The following ABCB1 variants were observed in gnomAD, a reference collection of about 807,000 sequenced individuals.
ABCB1 encodes ATP binding cassette subfamily B member 1.
Under a neutral mutation model 142.0 loss-of-function variants are expected in ABCB1, and 69 were observed. That is an observed-to-expected ratio of 0.49 (90% confidence interval 0.40 to 0.59). The LOEUF is 0.59. Among genes scored for constraint, ABCB1 ranks in the 20% least tolerant of loss-of-function variants. The pLI, the probability that ABCB1 is intolerant of heterozygous loss-of-function variation, is 0.00. For missense variants in ABCB1, 1,326 were observed against 1,554.7 expected, an observed-to-expected ratio of 0.85 and a Z score of 2.47; for synonymous variants, 532 against 539.2, an observed-to-expected ratio of 0.99 and a Z score of 0.18.
chr7:87,610,089 T>C (rs974249555), intron 1 of ABCB1, among the ~76,000 whole-genome samples: 17 of 152,188 alleles, frequency 1.1e-4, no homozygotes, highest in African/African-American at 4.1e-4. Flanking sequence ...TCTTTTCCAA[T>C]GAGATATTTT....
chr7:87,694,923 CT>C (rs1828371224), intron 1 of ABCB1, among the ~76,000 whole-genome samples: 1 of 152,106 alleles, frequency 6.6e-6, no homozygotes, highest in Non-Finnish European at 1.5e-5. Flanking sequence ...TAGACACATA[CT>C]TTAGATATTT....
chr7:87,636,989 G>A (rs976199663), intron 1 of ABCB1, among the ~76,000 whole-genome samples: 1 of 152,154 alleles, frequency 6.6e-6, no homozygotes, highest in Non-Finnish European at 1.5e-5. Flanking sequence ...ATGAGAACAT[G>A]AGAACCAAGC....
rs1820464172 is a variant in ABCB1 at position 87,626,143 on chromosome 7, T to TATATATTGTCATATATATGTGTC, written c.-330-25088_-330-25066dup. ...TATATATTGTCATATATATGTGTCA[T>TATATATTGTCATATATATGTGTC]ATATATTGTCATATATATGTGTCAT... On this transcript the variant is annotated intron_variant, in intron 1 of 28. Coordinates refer to the ABCB1 transcript ENST00000265724. 1.5e-5 allele frequency among the ~76,000 whole-genome samples: 2 copies of TATATATTGTCATATATATGTGTC among 136,568 alleles called. 1 individual carries two copies. Among genetic ancestry groups the TATATATTGTCATATATATGTGTC allele is most frequent in the Admixed American group, 1.4e-4 (2 of 13,890 alleles). The allele number at this position is 136,568 out of a possible 152,430, so 89.6% of individuals were successfully genotyped here.
chr7:87,535,188 T>C (rs1421047860), intron 20 of ABCB1, among the ~76,000 whole-genome samples: 1 of 152,158 alleles, frequency 6.6e-6, no homozygotes, highest in Non-Finnish European at 1.5e-5. Flanking sequence ...ACAGTTTCTA[T>C]AGTGATCCTT....
chr7:87,598,757 A>G (rs1285142800), intron 2 of ABCB1, among the ~76,000 whole-genome samples: 3 of 152,180 alleles, frequency 2.0e-5, no homozygotes, highest in Non-Finnish European at 2.9e-5. Context: ...TTGATGCTCA[A>G]ATTGTCCCAG....
chr7:87,604,875 CTCCG>C (rs1387301102), upstream of ABCB1, among the ~76,000 whole-genome samples: 1 of 152,216 alleles, frequency 6.6e-6, no homozygotes, highest in Non-Finnish European at 1.5e-5. Context: ...TTTTCTACCA[CTCCG>C]CAATCCTACT....
At chr7:87,668,840 T>A (rs1825538221) in intron 1 of ABCB1, among the ~76,000 whole-genome samples, 3 of 152,018 alleles carry the variant, frequency 2.0e-5, no homozygotes, top group African/African-American at 7.2e-5. Context: ...GATCCAAGAG[T>A]GTGTTTGGTA....
intron 14 of ABCB1, among the ~76,000 whole-genome samples, chr7:87,548,691 C>G (rs149823885): frequency 1.4e-4 from 22 of 152,308 alleles, no homozygotes; most frequent in African/African-American, 5.1e-4. Context: ...ACAGAATTAT[C>G]CCCGTTACTA....
intron 2 of ABCB1, among the ~76,000 whole-genome samples, chr7:87,596,811 A>G (rs1025352692): frequency 6.6e-6 from 1 of 152,072 alleles, no homozygotes; most frequent in Non-Finnish European, 1.5e-5. Flanking sequence ...AAATACACAA[A>G]CACAACTCTT....
At chr7:87,596,421 C>G (rs1819209075) in intron 2 of ABCB1, among the ~76,000 whole-genome samples, 1 of 151,994 alleles carries the variant, frequency 6.6e-6, no homozygotes, top group South Asian at 2.1e-4. Flanking sequence ...TAAATGCACG[C>G]TAGAAAGCTA....
intron 25 of ABCB1, 138 bp downstream of exon 25, chr7:87,515,093 T>C (rs1815169005): frequency 8.8e-7 from 1 of 1,138,884 alleles, no homozygotes; most frequent in African/African-American, 1.5e-5. Flanking sequence ...GGAGACCATA[T>C]TTAGGCTCTC....
chr7:87,607,075 AG>A (rs1339892960), intron 1 of ABCB1, among the ~76,000 whole-genome samples: 1 of 152,218 alleles, frequency 6.6e-6, no homozygotes, highest in African/African-American at 2.4e-5. Context: ...AGAGAGAAAG[AG>A]GTAGAGATAG....
At chr7:87,636,946 G>A (rs1405476700) in intron 1 of ABCB1, among the ~76,000 whole-genome samples, 1 of 152,172 alleles carries the variant, frequency 6.6e-6, no homozygotes, top group Non-Finnish European at 1.5e-5. Context: ...AAGTAAACAT[G>A]TCCTTCTTCA....
chr7:87,568,887 T>C (rs1364894321), intron 5 of ABCB1, among the ~76,000 whole-genome samples: 1 of 152,238 alleles, frequency 6.6e-6, no homozygotes, highest in Non-Finnish European at 1.5e-5. Flanking sequence ...AATAAGTTAA[T>C]GTATTTTAAA....
intron 27 of ABCB1, 59 bp from the exon 28 acceptor site, chr7:87,504,508 C>T: frequency 6.3e-7 from 1 of 1,598,180 alleles, no homozygotes. Flanking sequence ...ATTCCTCTTC[C>T]ATAAAAAGCT....
rs41297357 is a variant in ABCB1 at position 87,545,068 on chromosome 7, A to G, written c.1888-69T>C. On this transcript the variant is annotated intron_variant, in intron 15 of 27. Coordinates refer to ENST00000622132, the MANE Select transcript of ABCB1 (RefSeq NM_001348946.2). ...TTAACCAATGAAAGCTAATCACTGA[A>G]TGTCAGCTATCAAGGAAAACAGCAA... The G allele has an allele frequency of 1.6e-4, 232 of 1,428,780 alleles. 1 individual carries two copies. In the East Asian group the frequency reaches 5.4e-3, roughly 33 times the overall value. The allele number at this position is 1,428,780 out of a possible 1,614,324, so 88.5% of individuals were successfully genotyped here.
rs553313579 is a variant in ABCB1, at chr7:87,582,619, T to C, written c.286+2893A>G. Reference sequence around the variant, plus strand: ...TCTATAAAGGGCCAGATAGTAAATATCTTAGGCTCTGCAGACCATACGGTT... The same window carrying C: ...TCTATAAAGGGCCAGATAGTAAATACCTTAGGCTCTGCAGACCATACGGTT... On this transcript the variant is annotated intron_variant, in intron 4 of 27. Transcript: ENST00000622132. Among the ~76,000 whole-genome samples, 257 of 152,282 alleles carry C rather than the reference T, an allele frequency of 1.7e-3. 1 individual carries two copies. The highest frequency in any genetic ancestry group is 5.6e-3 in the African/African-American group (233 of 41,556).
At chr7:87,692,019 C>A (rs1828061935) in intron 1 of ABCB1, among the ~76,000 whole-genome samples, 1 of 152,032 alleles carries the variant, frequency 6.6e-6, no homozygotes, top group Non-Finnish European at 1.5e-5. Flanking sequence ...ATGGTTTAAT[C>A]GTATTAAATT....
chr7:87,710,337 C>T (rs1430371056), intron 1 of ABCB1, among the ~76,000 whole-genome samples: 1 of 151,942 alleles, frequency 6.6e-6, no homozygotes, highest in Non-Finnish European at 1.5e-5. Flanking sequence ...TCTGTCCCTT[C>T]AGAGGATAGA....
Sources: allele counts gnomAD v4.1 joint callset (sites outside exome capture counted in the v4.1 genomes callset), GRCh38; gene constraint gnomAD v4.1.1; transcripts MANE v1.5; gene names NCBI Gene and HGNC (gene_info 2026-07-23, HGNC 2026-07-21).